Variants in PRKN observed in about 807,000 individuals in gnomAD.
PRKN encodes E3 ubiquitin-protein ligase parkin.
A neutral mutation model predicts 59.5 loss-of-function variants in PRKN; 56 were observed. The observed-to-expected ratio is 0.94, with a 90% CI of 0.76 to 1.18. The LOEUF is 1.18. PRKN is among the 50% of genes most tolerant of loss of function. The pLI, the probability that PRKN is intolerant of heterozygous loss-of-function variation, is 0.00. For missense variants in PRKN, 657 were observed against 596.4 expected (o/e 1.10, Z -1.06); for synonymous variants, 250 against 222.1 (o/e 1.13, Z -1.12).
intron 2 of PRKN, among the ~76,000 whole-genome samples, chr6:162,326,966 C>T (rs1783315512): frequency 6.6e-6 from 1 of 152,090 alleles, no homozygotes; most frequent in Non-Finnish European, 1.5e-5. Context: ...TCTAACTCTA[C>T]CCTATTATCA....
At chr6:161,891,891 C>T (rs774568535) in intron 6 of PRKN, among the ~76,000 whole-genome samples, 1 of 152,124 alleles carries the variant, frequency 6.6e-6, no homozygotes, top group Non-Finnish European at 1.5e-5. Flanking sequence ...TGCTGTTGCA[C>T]GCTTGTTAGA....
Position 161,445,984 on chromosome 6 carries a change from G to T in PRKN, c.1084-59107C>A, listed in dbSNP as rs949952039. On this transcript the variant is annotated intron_variant, in intron 9 of 11. Transcript: ENST00000366898. This position sits in a 1 kb window ranked among gnomAD's most constrained non-coding sequence, Gnocchi z 7.7. ...CATAAACAAAGAGGAGAGGCAAACT[G>T]TTTGAGCCCAGGAGTTTGAGACCAG... is the stretch of plus-strand genomic sequence containing the variant. Among the ~76,000 whole-genome samples the T allele has an allele frequency of 6.6e-6, 1 of 152,004 alleles. No individual in the cohort carries two copies. Among genetic ancestry groups the T allele is most frequent in the African/African-American group, 2.4e-5 (1 of 41,394 alleles).
chr6:161,352,572 T>G lies in PRKN; in HGVS notation c.1286-2361A>C, dbSNP rs1784591150. Among the ~76,000 whole-genome samples the G allele has an allele frequency of 6.6e-6, 1 of 151,616 alleles. No homozygotes were observed. Among genetic ancestry groups the G allele is most frequent in the South Asian group, 2.1e-4 (1 of 4,824 alleles). On this transcript the variant is annotated intron_variant, in intron 11 of 11. Coordinates refer to ENST00000366898, the MANE Select transcript of PRKN (RefSeq NM_004562.3). This position sits in a 1 kb window ranked among gnomAD's most constrained non-coding sequence, Gnocchi z 5.8. Reference sequence around the variant, plus strand: ...TCATATCATAAATATATCATTATTATATCATGTATCGTAAAATATATTCAA... The same window carrying G: ...TCATATCATAAATATATCATTATTAGATCATGTATCGTAAAATATATTCAA...
At chr6:161,678,690 G>A (rs920419373) in intron 7 of PRKN, among the ~76,000 whole-genome samples, 3 of 148,448 alleles carry the variant, frequency 2.0e-5, no homozygotes, top group South Asian at 2.1e-4. Flanking sequence ...TCAACCTCCC[G>A]AGTAGCTGGG....
At chr6:162,257,919 C>G (rs1175705091) in intron 3 of PRKN, among the ~76,000 whole-genome samples, 2 of 152,106 alleles carry the variant, frequency 1.3e-5, no homozygotes, top group East Asian at 3.9e-4. Context: ...ATCCTGGGCC[C>G]AGCAGACCCT....
rs1375749402 is a variant in PRKN at position 161,423,429 on chromosome 6, T to C, written c.1084-36552A>G. Among the ~76,000 whole-genome samples the C allele has an allele frequency of 6.6e-6, 1 of 152,186 alleles. No homozygotes were observed. Among genetic ancestry groups the C allele is most frequent in the Non-Finnish European group, 1.5e-5 (1 of 68,040 alleles). On this transcript the variant is annotated intron_variant, in intron 9 of 11. Transcript: ENST00000366898. The surrounding 1 kb of genome is among the most constrained non-coding windows in gnomAD (Gnocchi z 5.9). ...ACACGTCGTAACCACCTGAATTTTA[T>C]GGGGGAACCTTCTGCACGTATTCAT...
chr6:161,751,240 A>G (rs1489627958), intron 7 of PRKN, among the ~76,000 whole-genome samples: 2 of 152,228 alleles, frequency 1.3e-5, no homozygotes, highest in Non-Finnish European at 2.9e-5. Context: ...CAAGGACAAG[A>G]TGAATAAATC....
chr6:161,680,312 T>C (rs1314820593), intron 7 of PRKN, among the ~76,000 whole-genome samples: 1 of 152,132 alleles, frequency 6.6e-6, no homozygotes, highest in Non-Finnish European at 1.5e-5. Flanking sequence ...AATTGCTAGC[T>C]AGGTTAACAC....
intron 1 of PRKN, among the ~76,000 whole-genome samples, chr6:162,509,905 TTATACAACTAGTTAA>T (rs1333227693): frequency 6.6e-6 from 1 of 152,162 alleles, no homozygotes; most frequent in African/African-American, 2.4e-5. Flanking sequence ...TCCTGGTGAA[TTATACAACTAGTTAA>T]TATACAAAAG....
At chr6:161,571,369 C>T (rs1354491646) in intron 7 of PRKN, among the ~76,000 whole-genome samples, 1 of 152,170 alleles carries the variant, frequency 6.6e-6, no homozygotes, top group Non-Finnish European at 1.5e-5. Flanking sequence ...CAGGACATAT[C>T]AACTAAATTA....
intron 4 of PRKN, among the ~76,000 whole-genome samples, chr6:162,131,131 C>T (rs1440066439): frequency 6.6e-6 from 1 of 152,126 alleles, no homozygotes; most frequent in Non-Finnish European, 1.5e-5. Flanking sequence ...ACCATGACAG[C>T]CTTGGTCATG....
chr6:161,694,752 C>T lies in PRKN; in HGVS notation c.871+91020G>A, dbSNP rs572618002. On this transcript the variant is annotated intron_variant, in intron 7 of 11. Transcript: ENST00000366898. ...CCTGGACCGTATGGGTGACAGACTCCCTGTTTGCTAACATGAGGATGACAG... is the reference window on the plus strand; with the variant it reads ...CCTGGACCGTATGGGTGACAGACTCTCTGTTTGCTAACATGAGGATGACAG... Among the ~76,000 whole-genome samples the T allele has an allele frequency of 2.6e-5, 4 of 152,230 alleles. No homozygotes were observed. In the South Asian group the frequency reaches 8.3e-4, roughly 32 times the overall value.
At chr6:162,270,920 C>T (rs1780352545) in intron 2 of PRKN, among the ~76,000 whole-genome samples, 1 of 151,728 alleles carries the variant, frequency 6.6e-6, no homozygotes, top group African/African-American at 2.4e-5. Flanking sequence ...AGGCTCGCTG[C>T]TGCCTCGAAC....
At chr6:161,658,575 CA>C (rs1784439312) in intron 7 of PRKN, among the ~76,000 whole-genome samples, 1 of 152,262 alleles carries the variant, frequency 6.6e-6, no homozygotes, top group Admixed American at 6.5e-5. Flanking sequence ...ACTATGGGTA[CA>C]AATTTTACAA....
chr6:162,011,497 ATAT>A (rs1322956126), intron 5 of PRKN, among the ~76,000 whole-genome samples: 1 of 37,960 alleles, frequency 2.6e-5, no homozygotes, highest in Non-Finnish European at 4.4e-5. Flanking sequence ...TATATATAAT[ATAT>A]ATTTATTATA....
intron 6 of PRKN, among the ~76,000 whole-genome samples, chr6:161,884,925 A>G (rs1303410429): frequency 6.6e-6 from 1 of 151,972 alleles, no homozygotes; most frequent in East Asian, 1.9e-4. Flanking sequence ...AAAGAATAGC[A>G]CTAGACACAT....
Position 161,451,564 on chromosome 6 carries a change from T to G in PRKN, c.1084-64687A>C, listed in dbSNP as rs544988211. On this transcript the variant is annotated intron_variant, in intron 9 of 11. Coordinates refer to ENST00000366898, the MANE Select transcript of PRKN (RefSeq NM_004562.3). The surrounding 1 kb of genome is among the most constrained non-coding windows in gnomAD (Gnocchi z 5.9). ...TCTGCTCCCAGAGGGACCTACCCAGTCCCAAAGCTGAGGCACCACCCATCC... is the reference window on the plus strand; with the variant it reads ...TCTGCTCCCAGAGGGACCTACCCAGGCCCAAAGCTGAGGCACCACCCATCC... Among the ~76,000 whole-genome samples, 61 of 152,254 alleles carry G rather than the reference T, an allele frequency of 4.0e-4. No individual in the cohort carries two copies. Among genetic ancestry groups the G allele is most frequent in the African/African-American group, 1.4e-3 (57 of 41,538 alleles).
chr6:162,538,429 G>T (rs1480421725), intron 1 of PRKN, among the ~76,000 whole-genome samples: 1 of 151,806 alleles, frequency 6.6e-6, no homozygotes, highest in Non-Finnish European at 1.5e-5. Context: ...AAAAAGAAAA[G>T]AAGTATCTAA....
At chr6:162,087,973 C>T (rs1367653056) in intron 4 of PRKN, among the ~76,000 whole-genome samples, 1 of 152,162 alleles carries the variant, frequency 6.6e-6, no homozygotes, top group Non-Finnish European at 1.5e-5. Context: ...AGCACTAACG[C>T]TCCTCTGGCT....
Sources: gnomAD v4.1 joint callset for allele counts (sites outside exome capture counted in the v4.1 genomes callset) on GRCh38, gnomAD v4.1.1 for gene constraint, Gnocchi (gnomAD v3.1) non-coding constraint, MANE v1.5 for transcripts, NCBI Gene and HGNC (gene_info 2026-07-23, HGNC 2026-07-21) for gene names.